Variants in TLN2 observed in about 807,000 individuals in gnomAD.
TLN2 encodes the protein talin 2, also known as talin-2.
TLN2 carries 118 observed loss-of-function variants against 294.7 expected under a neutral mutation model. The ratio of observed to expected loss-of-function variants is 0.40; its 90% CI spans 0.34 to 0.47. The LOEUF (loss-of-function observed/expected upper bound fraction) is 0.47, where lower values mean the gene tolerates loss of function less well. Ranked by LOEUF, TLN2 falls within the 20% of genes least tolerant of loss-of-function variation. TLN2 has a pLI of 0.84. For missense variants in TLN2, 3,083 were observed against 3,282.2 expected (o/e 0.94, Z 1.48); for synonymous variants, 1,431 against 1,304.5 (o/e 1.10, Z -2.09).
At chr15:62,689,680 T>G (rs115881553) in intron 12 of TLN2, among the ~76,000 whole-genome samples, 104 of 151,894 alleles carry the variant, frequency 6.8e-4, no homozygotes, top group African/African-American at 2.5e-3. Flanking sequence ...TTCCTTTCTT[T>G]TAGTATCTGA....
At chr15:62,627,727 A>G (rs1467757453) in intron 3 of TLN2, among the ~76,000 whole-genome samples, 1 of 152,202 alleles carries the variant, frequency 6.6e-6, no homozygotes, top group Admixed American at 6.5e-5. Context: ...CATCATTAGG[A>G]TCAAGTATGT....
At chr15:62,502,779 T>C in intron 1 of TLN2, among the ~76,000 whole-genome samples, 1 of 152,166 alleles carries the variant, frequency 6.6e-6, no homozygotes, top group Non-Finnish European at 1.5e-5. Context: ...AGAATGCAAG[T>C]GAGTGTGAGA....
At chr15:62,747,488 G>A (rs1257820197) in intron 32 of TLN2, among the ~76,000 whole-genome samples, 2 of 152,164 alleles carry the variant, frequency 1.3e-5, no homozygotes, top group Non-Finnish European at 2.9e-5. Flanking sequence ...TTATATCCAT[G>A]TATTTAAAAA....
Position 62,783,800 on chromosome 15 carries a change from G to T in TLN2, c.5646G>T (p.Glu1882Asp), listed in dbSNP as rs1248280572. The T allele has an allele frequency of 1.2e-6, 2 of 1,610,426 alleles. No homozygotes were observed. The highest frequency in any genetic ancestry group is 1.7e-6 in the Non-Finnish European group (2 of 1,176,868). The part of the protein sequence containing the change: ...MMTKSVTNPE[E>D]LGGLASQMTS... ...CTAAGTCGGTTACTAACCCGGAGGA[G>T]TTGGGAGGACTGGCTTCACAAATGA... The change falls in exon 45 of 59, where the codon GAG (glutamate) becomes GAT (aspartate). Residue 1882 changes from glutamate (E) to aspartate (D), a missense_variant. Transcript: ENST00000636159.
intron 1 of TLN2, among the ~76,000 whole-genome samples, chr15:62,572,399 C>T (rs1158209729): frequency 6.6e-6 from 1 of 152,106 alleles, no homozygotes. Context: ...TGCCACCACA[C>T]CCAGCTAATT....
intron 42 of TLN2, among the ~76,000 whole-genome samples, chr15:62,774,449 A>C: frequency 6.6e-6 from 1 of 152,136 alleles, no homozygotes; most frequent in East Asian, 1.9e-4. Flanking sequence ...TTGAGATCCA[A>C]CTGTGTCTTT....
At chr15:62,692,996 G>A (rs2058046218) in intron 13 of TLN2, 55 bp downstream of exon 13, 1 of 1,486,290 alleles carries the variant, frequency 6.7e-7, no homozygotes. Context: ...AAAAGGCTTG[G>A]TTTCGATGAC....
At chr15:62,474,223 G>A (rs930315026) in intron 1 of TLN2, among the ~76,000 whole-genome samples, 1 of 152,226 alleles carries the variant, frequency 6.6e-6, no homozygotes, top group African/African-American at 2.4e-5. Context: ...AAATTTCAGA[G>A]GGCTCATGAA....
chr15:62,757,034 A>G (rs1214818596), intron 37 of TLN2, among the ~76,000 whole-genome samples: 1 of 152,230 alleles, frequency 6.6e-6, no homozygotes, highest in African/African-American at 2.4e-5. Flanking sequence ...CATAGTTCAC[A>G]GTAATTAGGA....
At chr15:62,450,565 G>C (rs199731956) in intron 1 of TLN2, among the ~76,000 whole-genome samples, 6 of 146,698 alleles carry the variant, frequency 4.1e-5, no homozygotes, top group Middle Eastern at 3.2e-3. Flanking sequence ...GTGTGTGTGT[G>C]TGTGTGTGTC....
chr15:62,613,970 C>G (rs74920717), intron 2 of TLN2, among the ~76,000 whole-genome samples: 2,344 of 151,860 alleles, frequency 0.015, 59 homozygotes, highest in African/African-American at 0.054. Context: ...GAGTGGAAAG[C>G]AAGAGTTGAG....
At chr15:62,716,805 A>C (rs1014687671) in intron 23 of TLN2, among the ~76,000 whole-genome samples, 13 of 152,218 alleles carry the variant, frequency 8.5e-5, no homozygotes, top group Non-Finnish European at 1.5e-5. Flanking sequence ...TCCCATAGGA[A>C]ATATGGACTT....
In TLN2 at chr15:62,776,926, A is replaced by G; in HGVS notation, c.5514+16A>G. On this transcript the variant is annotated intron_variant, in intron 43 of 58. Coordinates refer to ENST00000636159, the MANE Select transcript of TLN2 (RefSeq NM_015059.3). ...CATGAGCAAGGTGGGCATGGGCTCT[A>G]GGGCTCTCTACTCCCTTATCTCCCT... 6.6e-7 allele frequency: 1 copy of G among 1,512,120 alleles called. No homozygotes were observed. The highest frequency in any genetic ancestry group is 2.1e-5 in the Admixed American group (1 of 48,464). The allele number at this position is 1,512,120 out of a possible 1,614,324, so 93.7% of individuals were successfully genotyped here.
At chr15:62,651,903 C>T in intron 5 of TLN2, 102 bp from the exon 6 acceptor site, 1 of 1,297,504 alleles carries the variant, frequency 7.7e-7, no homozygotes, top group Admixed American at 2.5e-5. Flanking sequence ...AAATCAGAGT[C>T]TACTCTGATT....
chr15:62,619,543 A>G (rs1371281955), intron 3 of TLN2, among the ~76,000 whole-genome samples: 2 of 152,220 alleles, frequency 1.3e-5, no homozygotes, highest in East Asian at 1.9e-4. Flanking sequence ...AATTGTGTCT[A>G]TCTAAAACCT....
At chr15:62,412,212 G>A (rs1452328158) in intron 1 of TLN2, among the ~76,000 whole-genome samples, 1 of 152,156 alleles carries the variant, frequency 6.6e-6, no homozygotes, top group Non-Finnish European at 1.5e-5. Flanking sequence ...CAGATCCCGA[G>A]GTGAACTTGC....
At chr15:62,690,047 G>C (rs1485995815) in intron 12 of TLN2, among the ~76,000 whole-genome samples, 7 of 83,604 alleles carry the variant, frequency 8.4e-5, no homozygotes, top group Admixed American at 5.3e-4. Flanking sequence ...GGGGCGGCCG[G>C]GCAGAGGCGC....
At chr15:62,783,109 G>T (rs1442879380) in intron 44 of TLN2, among the ~76,000 whole-genome samples, 1 of 152,232 alleles carries the variant, frequency 6.6e-6, no homozygotes, top group African/African-American at 2.4e-5. Flanking sequence ...ACTTGACCAT[G>T]TGGGCTACAC....
intron 2 of TLN2, among the ~76,000 whole-genome samples, chr15:62,590,519 C>G (rs776053765): frequency 1.3e-5 from 2 of 152,112 alleles, no homozygotes; most frequent in Non-Finnish European, 2.9e-5. Flanking sequence ...ATGGCTGCAT[C>G]GTATCCCACG....
Sources: gnomAD v4.1 joint callset for allele counts (sites outside exome capture counted in the v4.1 genomes callset) on GRCh38, gnomAD v4.1.1 for gene constraint, MANE v1.5 for transcripts, NCBI Gene and HGNC (gene_info 2026-07-23, HGNC 2026-07-21) for gene names.